Variants in HSD17B4 observed in about 807,000 individuals in gnomAD.
HSD17B4 encodes the protein peroxisomal multifunctional enzyme type 2.
Under a neutral mutation model 101.0 loss-of-function variants are expected in HSD17B4, and 70 were observed. That is an observed-to-expected ratio of 0.69 (90% CI 0.57 to 0.85). The LOEUF is 0.85. Among genes scored for constraint, HSD17B4 ranks in the 40% least tolerant of loss-of-function variants. The pLI, the probability that HSD17B4 is intolerant of heterozygous loss-of-function variation, is 0.00. For synonymous variants in HSD17B4, 347 were observed against 297.1 expected (o/e 1.17, Z -1.73); for missense variants, 984 against 892.4 (o/e 1.10, Z -1.31).
rs1748533675 is a variant in HSD17B4 at position 119,475,876 on chromosome 5, T to C, written c.349+6T>C. 1.3e-6 allele frequency: 2 copies of C among 1,575,672 alleles called. No homozygotes were observed. The highest frequency in any genetic ancestry group is 2.7e-5 in the African/African-American group (2 of 74,548). ...GATAAGTGATGAAGACTGGGGTAAG[T>C]TGTTTTTAGTATTTCTCTGGGGAAC... On this transcript the variant is annotated splice_donor_region_variant and intron_variant, in intron 6 of 23. Transcript: ENST00000510025.
At chr5:119,492,711 A>G (rs977428104) in intron 10 of HSD17B4, 3 of 152,102 alleles carry the variant, frequency 2.0e-5, no homozygotes, top group African/African-American at 7.2e-5. Flanking sequence ...TAGTTATTTT[A>G]AATAACTATT....
Position 119,525,405 on chromosome 5 carries a change from T to G in HSD17B4, c.1573+120T>G. 3 of 717,448 alleles carry G rather than the reference T, an allele frequency of 4.2e-6. No homozygotes were observed. In the South Asian group the frequency reaches 4.5e-5, roughly 11 times the overall value. The allele number at this position is 717,448 out of a possible 1,614,324, so 44.4% of individuals were successfully genotyped here. ...GAGTAGCATTTAAAAAAATGTTATTTTATTTATTACATTTATGCAAAGGAT... is the reference window on the plus strand; with the variant it reads ...GAGTAGCATTTAAAAAAATGTTATTGTATTTATTACATTTATGCAAAGGAT... On this transcript the variant is annotated intron_variant, in intron 18 of 23. Coordinates refer to ENST00000510025, the MANE Select transcript of HSD17B4 (RefSeq NM_000414.4).
chr5:119,517,996 G>A (rs1277887837), intron 17 of HSD17B4, among the ~76,000 whole-genome samples: 1 of 152,164 alleles, frequency 6.6e-6, no homozygotes, highest in East Asian at 1.9e-4. Flanking sequence ...GCACCAATCA[G>A]CGCCCTGTCA....
At chr5:119,462,937 C>A (rs1170868688) in intron 2 of HSD17B4, among the ~76,000 whole-genome samples, 1 of 152,066 alleles carries the variant, frequency 6.6e-6, no homozygotes, top group Non-Finnish European at 1.5e-5. Flanking sequence ...TACTATACAC[C>A]ACTAGAACTT....
At chr5:119,536,240 A>G (rs1252103710) in intron 22 of HSD17B4, 183 bp from the exon 23 acceptor site, 2 of 577,230 alleles carry the variant, frequency 3.5e-6, no homozygotes, top group African/African-American at 3.8e-5. Flanking sequence ...GTATTCTTGT[A>G]TTTCTATATT....
intron 1 of HSD17B4, chr5:119,452,939 C>A: frequency 8.9e-7 from 1 of 1,126,458 alleles, no homozygotes. Flanking sequence ...TGACCCTTAT[C>A]TGTGGGCATC....
intron 12 of HSD17B4, 113 bp from the exon 13 acceptor site, chr5:119,499,204 A>ATAATTTTGAATTATG (rs1750924621): frequency 4.2e-6 from 3 of 717,998 alleles, no homozygotes; most frequent in Non-Finnish European, 7.5e-6. Flanking sequence ...ATGCTCCATC[A>ATAATTTTGAATTATG]AATTCACTAA....
In HSD17B4 at chr5:119,534,699, T is replaced by C. The variant is rs1034447820; in HGVS notation, c.1994-1724T>C. Among the ~76,000 whole-genome samples the C allele has an allele frequency of 1.9e-4, 29 of 152,088 alleles. 1 individual carries two copies. The highest frequency in any genetic ancestry group is 5.1e-4 in the African/African-American group (21 of 41,452). ...TTGAAATGAGTGTCTCATGCATTTA[T>C]AGAAAAGTCTTGAAAGATTTTCCTT... On this transcript the variant is annotated intron_variant, in intron 22 of 23. Coordinates refer to ENST00000510025, the MANE Select transcript of HSD17B4 (RefSeq NM_000414.4).
At chr5:119,465,424 C>T (rs1755709517) in intron 2 of HSD17B4, among the ~76,000 whole-genome samples, 1 of 152,178 alleles carries the variant, frequency 6.6e-6, no homozygotes, top group African/African-American at 2.4e-5. Context: ...ACCTCCTTCT[C>T]TCTCTTGCTG....
Position 119,515,024 on chromosome 5 carries a change from C to T in HSD17B4, c.1481C>T (p.Thr494Ile). 2 of 1,582,530 alleles carry T rather than the reference C, an allele frequency of 1.3e-6. No individual in the cohort carries two copies. Among genetic ancestry groups the T allele is most frequent in the Middle Eastern group, 1.7e-4 (1 of 5,976 alleles). The change falls in exon 17 of 24, where the codon ACA becomes ATA. Residue 494 changes from threonine to isoleucine, a missense_variant. Physicochemically the swap from Thr to Ile is moderately conservative, Grantham distance 89. Transcript: ENST00000510025. ...AATAGACCTCCTGATGCTGTACTTACAGATACCACCTCTCTTAATCAGGTA... is the reference window on the plus strand; with the variant it reads ...AATAGACCTCCTGATGCTGTACTTATAGATACCACCTCTCTTAATCAGGTA... ...IPNRPPDAVL[T>I]DTTSLNQAAL...
At chr5:119,493,777 C>G in intron 10 of HSD17B4, 41 bp from the exon 11 acceptor site, 1 of 1,596,746 alleles carries the variant, frequency 6.3e-7, no homozygotes, top group Non-Finnish European at 8.6e-7. Context: ...TTCTGTCTCT[C>G]AACTATGTGC....
chr5:119,525,038 TA>T (rs535588763), intron 17 of HSD17B4, among the ~76,000 whole-genome samples, 177 bp from the exon 18 acceptor site: 1 of 152,104 alleles, frequency 6.6e-6, no homozygotes. Flanking sequence ...TGGCAAGTGT[TA>T]AAAAAACATT....
chr5:119,471,441 A>T (rs439954), intron 2 of HSD17B4, among the ~76,000 whole-genome samples: 2 of 152,020 alleles, frequency 1.3e-5, no homozygotes, highest in Admixed American at 1.3e-4. Context: ...AATTTTAGGC[A>T]TTGGCTTTTT....
chr5:119,509,289 T>C, intron 16 of HSD17B4, 45 bp downstream of exon 16: 2 of 1,112,410 alleles, frequency 1.8e-6, no homozygotes, highest in Non-Finnish European at 2.8e-6. Flanking sequence ...AGTTAAGGAT[T>C]CTTACCTATA....
Position 119,475,859 on chromosome 5 carries a change from A to T in HSD17B4, c.338A>T (p.Asp113Val). 1.3e-6 allele frequency: 2 copies of T among 1,596,480 alleles called. No homozygotes were observed. The highest frequency in any genetic ancestry group is 1.7e-6 in the Non-Finnish European group (2 of 1,164,188). Residue 113 changes from aspartate to valine, a missense_variant, in exon 6 of 24, where the codon GAT becomes GTT. Asp to Val is a radical substitution (Grantham distance 152). Transcript: ENST00000510025. ...GATCGTTCCTTTGCTAGGATAAGTG[A>T]TGAAGACTGGGGTAAGTTGTTTTTA... The part of the protein sequence containing the change: ...LRDRSFARIS[D>V]EDWDIIHRVH...
At chr5:119,494,341 C>A (rs1375304900) in intron 11 of HSD17B4, among the ~76,000 whole-genome samples, 2 of 144,172 alleles carry the variant, frequency 1.4e-5, no homozygotes, top group Non-Finnish European at 3.0e-5. Context: ...TTCTTTCTTT[C>A]TTTCTTTCTT....
chr5:119,498,931 G>A (rs1204778186), intron 12 of HSD17B4, among the ~76,000 whole-genome samples: 1 of 152,096 alleles, frequency 6.6e-6, no homozygotes, highest in Non-Finnish European at 1.5e-5. Context: ...CATCCATTAA[G>A]CAGTGTTTTA....
intron 9 of HSD17B4, 79 bp from the exon 10 acceptor site, chr5:119,492,021 C>A: frequency 9.0e-7 from 1 of 1,117,148 alleles, no homozygotes; most frequent in Non-Finnish European, 1.4e-6. Flanking sequence ...AGTAGAGGAG[C>A]TGACTTTTTT....
At chr5:119,460,442 C>T (rs537264517) in intron 2 of HSD17B4, among the ~76,000 whole-genome samples, 2 of 152,292 alleles carry the variant, frequency 1.3e-5, no homozygotes, top group African/African-American at 4.8e-5. Flanking sequence ...CCTTGGATAC[C>T]TCCATGACTA....
Sources: gnomAD v4.1 joint callset for allele counts (sites outside exome capture counted in the v4.1 genomes callset) on GRCh38, gnomAD v4.1.1 for gene constraint, MANE v1.5 for transcripts, NCBI Gene and HGNC (gene_info 2026-07-23, HGNC 2026-07-21) for gene names.